Variants in NBEA observed in about 807,000 individuals in gnomAD.
NBEA encodes neurobeachin, also known as lysosomal-trafficking regulator 2.
In NBEA, 44 loss-of-function variants were observed where a neutral mutation model predicts 343.4. The ratio of observed to expected loss-of-function variants is 0.13; its 90% CI spans 0.10 to 0.16. NBEA has a LOEUF of 0.16. Ranked by LOEUF, NBEA falls within the 10% of genes least tolerant of loss-of-function variation. The probability of loss-of-function intolerance (pLI) is 1.00; values close to 1 mark genes in which losing one functional copy is unlikely to be tolerated. For synonymous variants in NBEA, 1,175 were observed against 1,238.7 expected (o/e 0.95, Z 1.08); for missense variants, 2,555 against 3,631.3 (o/e 0.70, Z 7.62).
At chr13:35,633,247 C>T (rs1009007897) in intron 49 of NBEA, among the ~76,000 whole-genome samples, 5 of 151,380 alleles carry the variant, frequency 3.3e-5, no homozygotes, top group South Asian at 4.2e-4. Context: ...GGACTACAGG[C>T]GCCTGCTGCC....
intron 6 of NBEA, among the ~76,000 whole-genome samples, chr13:35,055,756 T>G (rs1349855580): frequency 6.6e-6 from 1 of 152,132 alleles, no homozygotes; most frequent in Non-Finnish European, 1.5e-5. Context: ...ATTTCGAATC[T>G]TGGTATAGTG....
chr13:35,343,644 T>A (rs984942517), intron 36 of NBEA, among the ~76,000 whole-genome samples: 9 of 152,034 alleles, frequency 5.9e-5, no homozygotes, highest in African/African-American at 2.2e-4. Flanking sequence ...CCGCCTGAGC[T>A]CCGCCTCCTG....
chr13:35,406,440 G>A (rs563911107), intron 38 of NBEA, among the ~76,000 whole-genome samples: 8 of 151,954 alleles, frequency 5.3e-5, no homozygotes, highest in South Asian at 2.1e-4. Flanking sequence ...AATTTGTAGC[G>A]TTTTATCCCT....
chr13:35,251,318 A>C (rs2031929444), intron 34 of NBEA: 1 of 926,962 alleles, frequency 1.1e-6, no homozygotes. Flanking sequence ...ATCCGCTTCC[A>C]GCCTGTCACT....
intron 1 of NBEA, among the ~76,000 whole-genome samples, chr13:34,959,808 A>T (rs1474398626): frequency 1.3e-5 from 2 of 152,150 alleles, no homozygotes; most frequent in Non-Finnish European, 2.9e-5. Flanking sequence ...TCATAATGTC[A>T]TAGCACAATG....
At chr13:35,506,334 A>G (rs2152983847) in intron 41 of NBEA, among the ~76,000 whole-genome samples, 1 of 152,268 alleles carries the variant, frequency 6.6e-6, no homozygotes, top group South Asian at 2.1e-4. Context: ...CTCTCATAGA[A>G]CTGAGATTAC....
chr13:35,150,664 T>A (rs566895469), intron 18 of NBEA, among the ~76,000 whole-genome samples: 5 of 152,206 alleles, frequency 3.3e-5, no homozygotes, highest in Non-Finnish European at 7.3e-5. Context: ...TTCATTTTCT[T>A]TTTTCTGTTT....
At chr13:35,577,990 T>C (rs900829391) in intron 45 of NBEA, among the ~76,000 whole-genome samples, 21 of 152,194 alleles carry the variant, frequency 1.4e-4, no homozygotes, top group Admixed American at 1.0e-3. Context: ...AGGTAGTTCA[T>C]GACTAAAAAA....
At chr13:35,220,694 T>G (rs1016732611) in intron 33 of NBEA, among the ~76,000 whole-genome samples, 4 of 152,158 alleles carry the variant, frequency 2.6e-5, no homozygotes, top group Non-Finnish European at 5.9e-5. Flanking sequence ...TTTCAGGCGC[T>G]GTGGATTTTC....
At position 35,158,543 on chromosome 13, in the gene NBEA, G is replaced by A. The variant is rs544510079; in HGVS notation, c.2845-473G>A. ...TAAAACTGTGATATTTTAATAGCTT[G>A]TAAATTTATATATTTAATGATATGT... is the stretch of plus-strand genomic sequence containing the variant. On this transcript the variant is annotated intron_variant, in intron 21 of 58. Transcript: ENST00000379939. 9.9e-5 allele frequency among the ~76,000 whole-genome samples: 15 copies of A among 152,196 alleles called. No homozygotes were observed. The South Asian group carries it at 3.1e-3, about 32-fold the overall frequency.
chr13:35,094,054 C>T (rs751190868), intron 10 of NBEA, among the ~76,000 whole-genome samples: 1 of 151,706 alleles, frequency 6.6e-6, no homozygotes, highest in Non-Finnish European at 1.5e-5. Flanking sequence ...CCTCAGAAGA[C>T]AAATTGACAC....
chr13:34,951,504 T>A (rs143551230), intron 1 of NBEA, among the ~76,000 whole-genome samples: 1 of 152,220 alleles, frequency 6.6e-6, no homozygotes, highest in East Asian at 1.9e-4. Flanking sequence ...CTGAAAGTGA[T>A]CTGTCCTATT....
At chr13:35,429,666 G>T (rs868237983) in intron 38 of NBEA, among the ~76,000 whole-genome samples, 2 of 152,014 alleles carry the variant, frequency 1.3e-5, no homozygotes, top group Non-Finnish European at 2.9e-5. Context: ...GGCAGTATTT[G>T]GTTATGTGAA....
intron 36 of NBEA, among the ~76,000 whole-genome samples, chr13:35,342,841 A>AC (rs1200998103): frequency 6.6e-6 from 1 of 151,406 alleles, no homozygotes; most frequent in East Asian, 2.0e-4. Flanking sequence ...ACCCCTCCCC[A>AC]CCCCAATAAA....
chr13:35,197,109 A>G (rs1407792268), intron 31 of NBEA, among the ~76,000 whole-genome samples: 3 of 152,188 alleles, frequency 2.0e-5, no homozygotes, highest in Non-Finnish European at 4.4e-5. Flanking sequence ...GTGCAAGATT[A>G]GAAGAATATT....
At chr13:35,290,322 G>A in intron 34 of NBEA, 67 bp from the exon 35 acceptor site, 1 of 990,536 alleles carries the variant, frequency 1.0e-6, no homozygotes, top group Non-Finnish European at 1.6e-6. Context: ...ATTATATAAT[G>A]AATTAACTCA....
chr13:35,009,201 A>G (rs2061407311), intron 1 of NBEA, among the ~76,000 whole-genome samples: 2 of 152,188 alleles, frequency 1.3e-5, no homozygotes, highest in Admixed American at 6.5e-5. Context: ...CAAGTACTGG[A>G]GGTATAGTAG....
chr13:35,103,277 T>A (rs994516151), intron 11 of NBEA, among the ~76,000 whole-genome samples: 1 of 151,818 alleles, frequency 6.6e-6, no homozygotes, highest in Non-Finnish European at 1.5e-5. Flanking sequence ...AGATGGCTCA[T>A]GTCTTTGTCA....
intron 41 of NBEA, among the ~76,000 whole-genome samples, chr13:35,534,539 C>T (rs1205761121): frequency 1.3e-5 from 2 of 152,204 alleles, no homozygotes; most frequent in Non-Finnish European, 2.9e-5. Context: ...GTTAAAATCC[C>T]CATTCCAGTT....
Sources: gnomAD v4.1 joint callset for allele counts (sites outside exome capture counted in the v4.1 genomes callset) on GRCh38, gnomAD v4.1.1 for gene constraint, MANE v1.5 for transcripts, NCBI Gene and HGNC (gene_info 2026-07-23, HGNC 2026-07-21) for gene names.